ZHX2: variants seen among roughly 807,000 people sequenced by gnomAD.
ZHX2 encodes the protein zinc fingers and homeoboxes 2.
In ZHX2, 6 loss-of-function variants were observed where a neutral mutation model predicts 21.9. That is an observed-to-expected ratio of 0.27 (90% CI 0.15 to 0.54). The LOEUF is 0.54. Ranked by LOEUF, ZHX2 falls within the 20% of genes least tolerant of loss-of-function variation. The probability of loss-of-function intolerance (pLI) is 0.95; values close to 1 mark genes in which losing one functional copy is unlikely to be tolerated. For missense variants in ZHX2, 908 were observed against 1,090.7 expected (o/e 0.83, Z 2.36); for synonymous variants, 434 against 437.1 (o/e 0.99, Z 0.09).
intron 2 of ZHX2, among the ~76,000 whole-genome samples, chr8:122,935,092 G>A (rs138632062): frequency 1.9e-4 from 29 of 151,740 alleles, no homozygotes; most frequent in Admixed American, 8.5e-4. Context: ...ACTATTATTT[G>A]GGATTAAAAT....
chr8:122,970,047 G>A (rs1487651520), intron 3 of ZHX2, among the ~76,000 whole-genome samples: 4 of 152,176 alleles, frequency 2.6e-5, no homozygotes. Context: ...CCGAGAGCCT[G>A]GACATCACGT....
At position 122,937,568 on chromosome 8, in the gene ZHX2, T is replaced by G. The variant is rs189539674; in HGVS notation, c.-219-13724T>G. On this transcript the variant is annotated intron_variant, in intron 2 of 3. Transcript: ENST00000314393. The stretch of plus-strand genomic sequence containing the variant: ...AGTAGACCTTGTTCTCCAAGTGAAA[T>G]TGGATCGTCTATTATCTTTTTTTTT... Among the ~76,000 whole-genome samples, 10 of 142,690 alleles carry G rather than the reference T, an allele frequency of 7.0e-5. No homozygotes were observed. In the East Asian group the frequency reaches 1.9e-3, roughly 27 times the overall value. 93.6% of individuals were successfully genotyped at this position (142,690 alleles called of 152,430 possible).
chr8:122,911,691 C>T (rs1292608308), intron 2 of ZHX2, among the ~76,000 whole-genome samples: 1 of 152,194 alleles, frequency 6.6e-6, no homozygotes, highest in Non-Finnish European at 1.5e-5. Flanking sequence ...CCTCATAGCA[C>T]TCACAGGATA....
At position 122,781,771 on chromosome 8, in the gene ZHX2, G is replaced by C. The variant is rs1219873434; in HGVS notation, c.-458G>C. On this transcript the variant is annotated 5_prime_UTR_variant, in exon 1 of 4. Coordinates refer to ENST00000314393, the MANE Select transcript of ZHX2 (RefSeq NM_014943.5). This position sits in a 1 kb window ranked among gnomAD's most constrained non-coding sequence, Gnocchi z 4.6. ...CGTTCTCCGTACGGGGGCTTTTTCT[G>C]TCTGTCTGTCTGGCTGGCAGGCTGG... 7.1e-6 allele frequency: 1 copy of C among 139,900 alleles called. No individual in the cohort carries two copies. Among genetic ancestry groups the C allele is most frequent in the Non-Finnish European group, 1.5e-5 (1 of 65,284 alleles). 8.7% of individuals were successfully genotyped at this position (139,900 alleles called of 1,614,324 possible).
At position 122,906,692 on chromosome 8, in the gene ZHX2, A is replaced by G. The variant is rs112602045; in HGVS notation, c.-220+43153A>G. On this transcript the variant is annotated intron_variant, in intron 2 of 3. Transcript: ENST00000314393. ...TTTTTTTTTTTTTTTTTTTTTTGAG[A>G]CAGAGTCTTGCTCTGTCACCCAGGC... 6.4e-3 allele frequency among the ~76,000 whole-genome samples: 819 copies of G among 128,734 alleles called. 5 individuals are homozygous for G. The highest frequency in any genetic ancestry group is 0.023 in the African/African-American group (768 of 33,456). The allele number at this position is 128,734 out of a possible 152,430, so 84.5% of individuals were successfully genotyped here.
intron 1 of ZHX2, among the ~76,000 whole-genome samples, chr8:122,794,726 C>T (rs576829479): frequency 6.6e-6 from 1 of 152,254 alleles, no homozygotes; most frequent in South Asian, 2.1e-4. Flanking sequence ...AGCCTTCCAC[C>T]TCTTCCACAT....
rs16897618 is a variant in ZHX2, at chr8:122,899,079, T to A, written c.-220+35540T>A. Among the ~76,000 whole-genome samples the A allele has an allele frequency of 4.1e-3, 617 of 152,290 alleles. 4 individuals are homozygous for A. The highest frequency in any genetic ancestry group is 0.037 in the Middle Eastern group (11 of 294). Reference sequence around the variant, plus strand: ...AGCCATGGAACACCTATGCAGCAAATGTGTATTAAATCCCTCCTGGCCCAA... The same window carrying A: ...AGCCATGGAACACCTATGCAGCAAAAGTGTATTAAATCCCTCCTGGCCCAA... On this transcript the variant is annotated intron_variant, in intron 2 of 3. Transcript: ENST00000314393.
chr8:122,933,898 C>T (rs1033338602), intron 2 of ZHX2, among the ~76,000 whole-genome samples: 1 of 152,180 alleles, frequency 6.6e-6, no homozygotes, highest in Non-Finnish European at 1.5e-5. Context: ...GGTCTGGGCA[C>T]AATGGCCCAC....
intron 1 of ZHX2, among the ~76,000 whole-genome samples, chr8:122,835,281 C>T (rs769975260): frequency 1.7e-4 from 26 of 152,184 alleles, no homozygotes; most frequent in African/African-American, 6.0e-4. Flanking sequence ...GAAGTAAGGG[C>T]GGGGCATGGG....
intron 1 of ZHX2, among the ~76,000 whole-genome samples, chr8:122,783,173 G>T (rs1817327134): frequency 1.3e-5 from 2 of 152,156 alleles, no homozygotes; most frequent in African/African-American, 2.4e-5. Flanking sequence ...AAAGCCAGTA[G>T]GTCTCTACCT....
At chr8:122,926,910 T>C (rs1010187286) in intron 2 of ZHX2, among the ~76,000 whole-genome samples, 5 of 152,190 alleles carry the variant, frequency 3.3e-5, no homozygotes, top group Non-Finnish European at 2.9e-5. Flanking sequence ...GGATGGCGTT[T>C]AGGGCCCACC....
intron 2 of ZHX2, among the ~76,000 whole-genome samples, chr8:122,951,045 C>A (rs1314311197): frequency 6.6e-6 from 1 of 152,074 alleles, no homozygotes; most frequent in East Asian, 1.9e-4. Flanking sequence ...TCCTTTGTCT[C>A]CAAACATGAA....
chr8:122,902,845 A>G (rs568694358), intron 2 of ZHX2, among the ~76,000 whole-genome samples: 1 of 152,326 alleles, frequency 6.6e-6, no homozygotes, highest in African/African-American at 2.4e-5. Flanking sequence ...TCTATTTGAA[A>G]TGAAAAACAA....
At chr8:122,865,344 G>A (rs1445452583) in intron 2 of ZHX2, among the ~76,000 whole-genome samples, 2 of 152,082 alleles carry the variant, frequency 1.3e-5, no homozygotes, top group African/African-American at 2.4e-5. Context: ...TAGCCAGGAT[G>A]GTCTCGATCT....
intron 1 of ZHX2, among the ~76,000 whole-genome samples, chr8:122,819,625 C>T (rs1255615029): frequency 6.6e-6 from 1 of 152,196 alleles, no homozygotes; most frequent in Non-Finnish European, 1.5e-5. Context: ...AGTAGAATTG[C>T]CCGCATGAAA....
At chr8:122,887,597 C>A (rs925249649) in intron 2 of ZHX2, among the ~76,000 whole-genome samples, 1 of 151,972 alleles carries the variant, frequency 6.6e-6, no homozygotes, top group African/African-American at 2.4e-5. Flanking sequence ...TATGTTGGTG[C>A]AAAGGTAAAG....
intron 2 of ZHX2, among the ~76,000 whole-genome samples, chr8:122,896,376 G>T (rs747789083): frequency 2.3e-4 from 35 of 152,186 alleles, no homozygotes; most frequent in Non-Finnish European, 2.9e-5. Context: ...GGATGATGCA[G>T]CAGGATAATG....
intron 1 of ZHX2, among the ~76,000 whole-genome samples, chr8:122,808,220 C>T (rs552416513): frequency 2.0e-5 from 3 of 152,172 alleles, no homozygotes; most frequent in Non-Finnish European, 2.9e-5. Context: ...CTCAGGTCAA[C>T]TTCAGGGTTT....
At chr8:122,811,486 C>T (rs1563738431) in intron 1 of ZHX2, among the ~76,000 whole-genome samples, 2 of 152,346 alleles carry the variant, frequency 1.3e-5, no homozygotes, top group South Asian at 2.1e-4. Context: ...ATGCTCCCTG[C>T]CCTGCATCCA....
Sources: allele counts gnomAD v4.1 joint callset (sites outside exome capture counted in the v4.1 genomes callset), GRCh38; gene constraint gnomAD v4.1.1; non-coding constraint Gnocchi (gnomAD v3.1); transcripts MANE v1.5; gene names NCBI Gene and HGNC (gene_info 2026-07-23, HGNC 2026-07-21).